Variants in HMBOX1 observed in about 807,000 individuals in gnomAD.
HMBOX1 encodes the protein homeobox containing 1, also known as homeobox-containing protein 1.
Under a neutral mutation model 54.5 loss-of-function variants are expected in HMBOX1, and 14 were observed. The observed-to-expected ratio is 0.26, with a 90% CI of 0.17 to 0.40. The LOEUF (loss-of-function observed/expected upper bound fraction) is 0.40. Among genes scored for constraint, HMBOX1 ranks in the 10% least tolerant of loss-of-function variants. The pLI is 1.00. For synonymous variants in HMBOX1, 160 were observed against 181.0 expected (o/e 0.88, Z 0.93); for missense variants, 332 against 514.4 (o/e 0.65, Z 3.43).
chr8:28,947,573 G>T (rs1176457933), intron 1 of HMBOX1, among the ~76,000 whole-genome samples: 2 of 151,964 alleles, frequency 1.3e-5, no homozygotes, highest in Non-Finnish European at 2.9e-5. Context: ...GTGGATGCTG[G>T]GACTGTCTAA....
chr8:28,933,373 A>C lies in HMBOX1; in HGVS notation c.-57-30438A>C, dbSNP rs189450294. ...ACCTGTCAACTAAATAGACTGCCAA[A>C]TAAGCGATCTGAGCTTCCAGCTTAA... is the stretch of plus-strand genomic sequence containing the variant. On this transcript the variant is annotated intron_variant, in intron 1 of 9. Transcript: ENST00000287701. Among the ~76,000 whole-genome samples the C allele has an allele frequency of 2.2e-4, 33 of 152,334 alleles. No homozygotes were observed. In the East Asian group the frequency reaches 4.4e-3, roughly 20 times the overall value.
chr8:28,980,912 T>C (rs1290222505), intron 4 of HMBOX1, among the ~76,000 whole-genome samples: 2 of 152,196 alleles, frequency 1.3e-5, no homozygotes, highest in Non-Finnish European at 1.5e-5. Context: ...ACTTTGCATA[T>C]TGATAGATAT....
chr8:28,954,691 A>G (rs560449339), intron 1 of HMBOX1, among the ~76,000 whole-genome samples: 1 of 152,186 alleles, frequency 6.6e-6, no homozygotes, highest in South Asian at 2.1e-4. Flanking sequence ...CTTAAAATGT[A>G]TATACTCTGT....
chr8:29,026,477 C>G (rs1802057909), intron 6 of HMBOX1, among the ~76,000 whole-genome samples: 1 of 152,072 alleles, frequency 6.6e-6, no homozygotes, highest in Non-Finnish European at 1.5e-5. Flanking sequence ...ATGCTGAAAA[C>G]TATTAAATTG....
intron 1 of HMBOX1, among the ~76,000 whole-genome samples, chr8:28,891,948 C>T (rs1406178412): frequency 6.6e-6 from 1 of 152,138 alleles, no homozygotes; most frequent in Non-Finnish European, 1.5e-5. Context: ...TCTCTGGTAT[C>T]CTGCAGGTAC....
At chr8:29,029,788 T>C (rs1388137562) in intron 6 of HMBOX1, among the ~76,000 whole-genome samples, 1 of 152,250 alleles carries the variant, frequency 6.6e-6, no homozygotes. Flanking sequence ...TTAACTTTTA[T>C]GTGGTAAACA....
At chr8:29,046,337 C>T (rs553511798) in intron 7 of HMBOX1, 8 of 152,320 alleles carry the variant, frequency 5.3e-5, no homozygotes, top group South Asian at 2.1e-4. Flanking sequence ...ATTTTGCCCC[C>T]GTATCATCAA....
chr8:29,051,236 C>G lies in HMBOX1; in HGVS notation c.*81C>G. 6.8e-7 allele frequency: 1 copy of G among 1,478,374 alleles called. No individual in the cohort carries two copies. Among genetic ancestry groups the G allele is most frequent in the Non-Finnish European group, 9.3e-7 (1 of 1,079,150 alleles). The allele number at this position is 1,478,374 out of a possible 1,614,324, so 91.6% of individuals were successfully genotyped here. A position where few individuals can be genotyped will look rare whatever the true frequency, so the allele number is the denominator to read the frequency against. On this transcript the variant is annotated 3_prime_UTR_variant, in exon 10 of 10. Transcript: ENST00000287701. ...CTTTCCTCGGTCCTTAACATGTGTT[C>G]TTACAGTATAACTTGCAGTTTCTTG...
Position 29,051,708 on chromosome 8 carries a change from G to T in HMBOX1, c.*553G>T, listed in dbSNP as rs1806445775. ...CGTGCCTCATTATAGCCACACTGTG[G>T]CTAGATTATACTTCTTTGGGTGCTG... is the stretch of plus-strand genomic sequence containing the variant. On this transcript the variant is annotated 3_prime_UTR_variant, in exon 10 of 10. Transcript: ENST00000287701. The T allele has an allele frequency of 1.5e-6, 1 of 683,246 alleles. No individual in the cohort carries two copies. The highest frequency in any genetic ancestry group is 1.5e-5 in the South Asian group (1 of 66,184). 42.3% of individuals were successfully genotyped at this position (683,246 alleles called of 1,614,324 possible).
intron 6 of HMBOX1, among the ~76,000 whole-genome samples, chr8:29,034,370 C>G (rs1803494776): frequency 6.6e-6 from 1 of 151,264 alleles, no homozygotes; most frequent in African/African-American, 2.5e-5. Context: ...TGTTTCTGTC[C>G]TTCTTGACAT....
chr8:28,997,732 G>T (rs1264457617), intron 4 of HMBOX1, among the ~76,000 whole-genome samples: 2 of 152,022 alleles, frequency 1.3e-5, no homozygotes, highest in Non-Finnish European at 2.9e-5. Flanking sequence ...ATTTTATTTT[G>T]CAGAGATGGT....
chr8:28,927,091 A>G (rs1818648633), intron 1 of HMBOX1, among the ~76,000 whole-genome samples: 1 of 152,230 alleles, frequency 6.6e-6, no homozygotes, highest in African/African-American at 2.4e-5. Context: ...CAGGATGGCT[A>G]TAGTGAAAAA....
At chr8:28,895,550 C>G (rs534338804) in intron 1 of HMBOX1, among the ~76,000 whole-genome samples, 21 of 152,130 alleles carry the variant, frequency 1.4e-4, no homozygotes, top group African/African-American at 5.1e-4. Flanking sequence ...TGGTGCATGC[C>G]TGTAATCCCA....
intron 1 of HMBOX1, among the ~76,000 whole-genome samples, chr8:28,898,465 C>T (rs895186579): frequency 6.6e-6 from 1 of 152,136 alleles, no homozygotes; most frequent in African/African-American, 2.4e-5. Context: ...CATTTGGCTT[C>T]AAGGACAGGC....
chr8:29,018,691 AG>A, intron 5 of HMBOX1, 68 bp from the exon 6 acceptor site: 1 of 1,457,690 alleles, frequency 6.9e-7, no homozygotes, highest in Non-Finnish European at 9.5e-7. Flanking sequence ...CTAGTCCCAT[AG>A]GAAGTAGATG....
intron 1 of HMBOX1, among the ~76,000 whole-genome samples, chr8:28,961,175 A>C (rs907277732): frequency 6.6e-6 from 1 of 152,122 alleles, no homozygotes; most frequent in Admixed American, 6.5e-5. Context: ...AATGCCTTTT[A>C]ATATAAAGTT....
At chr8:29,011,699 G>GT (rs1039967348) in intron 5 of HMBOX1, among the ~76,000 whole-genome samples, 5 of 152,004 alleles carry the variant, frequency 3.3e-5, no homozygotes, top group African/African-American at 1.2e-4. Flanking sequence ...GGCTGATAGT[G>GT]TTCTTCCAAA....
At chr8:28,897,513 A>C (rs1812382273) in intron 1 of HMBOX1, among the ~76,000 whole-genome samples, 1 of 151,942 alleles carries the variant, frequency 6.6e-6, no homozygotes, top group African/African-American at 2.4e-5. Context: ...TGCCTCTACT[A>C]AAAATACAAA....
At chr8:28,981,045 A>G (rs1271635660) in intron 4 of HMBOX1, among the ~76,000 whole-genome samples, 2 of 152,206 alleles carry the variant, frequency 1.3e-5, no homozygotes, top group Non-Finnish European at 2.9e-5. Context: ...CTGATCTTCA[A>G]CAATAACTTA....
Sources: allele counts gnomAD v4.1 joint callset (sites outside exome capture counted in the v4.1 genomes callset), GRCh38; gene constraint gnomAD v4.1.1; transcripts MANE v1.5; gene names NCBI Gene and HGNC (gene_info 2026-07-23, HGNC 2026-07-21).